HYDIN: variants seen among roughly 807,000 people sequenced by gnomAD.
HYDIN encodes the protein axonemal central pair apparatus protein HYDIN.
HYDIN carries 132 observed loss-of-function variants against 403.9 expected under a neutral mutation model. That is an observed-to-expected ratio of 0.33 (90% CI 0.28 to 0.38). The LOEUF is 0.38. Among genes scored for constraint, HYDIN ranks in the 10% least tolerant of loss-of-function variants. The probability of loss-of-function intolerance (pLI) is 1.00; values close to 1 mark genes in which losing one functional copy is unlikely to be tolerated. For synonymous variants in HYDIN, 1,202 were observed against 1,891.7 expected (o/e 0.64, Z 9.46); for missense variants, 2,827 against 5,009.5 (o/e 0.56, Z 13.15).
intron 22 of HYDIN, among the ~76,000 whole-genome samples, chr16:71,018,831 A>G (rs968410922): frequency 6.6e-6 from 1 of 152,214 alleles, no homozygotes; most frequent in African/African-American, 2.4e-5. Flanking sequence ...TCTTAACTAA[A>G]AATAAATTTC....
intron 19 of HYDIN, among the ~76,000 whole-genome samples, chr16:71,030,571 T>G (rs1018109892): frequency 7.9e-5 from 12 of 151,954 alleles, no homozygotes; most frequent in Non-Finnish European, 1.8e-4. Flanking sequence ...TAGCTGGGAC[T>G]ACACGCACCT....
At chr16:71,182,144 G>C (rs1384505872) in intron 3 of HYDIN, among the ~76,000 whole-genome samples, 1 of 152,158 alleles carries the variant, frequency 6.6e-6, no homozygotes, top group Non-Finnish European at 1.5e-5. Flanking sequence ...AAGAGACTGA[G>C]AGGGAGAAGA....
At chr16:70,937,155 TGC>T (rs111866903) in intron 44 of HYDIN, among the ~76,000 whole-genome samples, 12,918 of 151,002 alleles carry the variant, frequency 0.086, 1,794 homozygotes, top group African/African-American at 0.29. Flanking sequence ...TGTGTGTGTG[TGC>T]GCGTGTGTGG....
At chr16:71,051,513 G>A (rs2081637106) in intron 18 of HYDIN, among the ~76,000 whole-genome samples, 1 of 151,990 alleles carries the variant, frequency 6.6e-6, no homozygotes, top group South Asian at 2.1e-4. Context: ...GGACGTGGTG[G>A]CGGGCGCCTG....
intron 6 of HYDIN, among the ~76,000 whole-genome samples, chr16:71,153,193 A>G (rs1484989624): frequency 2.6e-5 from 4 of 152,184 alleles, no homozygotes; most frequent in Non-Finnish European, 5.9e-5. Flanking sequence ...TGTCATTTTC[A>G]AAAGAACAGT....
chr16:70,904,736 A>G (rs911493460), intron 50 of HYDIN, among the ~76,000 whole-genome samples: 2 of 151,364 alleles, frequency 1.3e-5, no homozygotes, highest in Admixed American at 6.6e-5. Context: ...TGGTGACCTC[A>G]GATGATCCGC....
intron 21 of HYDIN, 26 bp from the exon 22 acceptor site, chr16:71,020,343 A>C (rs1380759855): frequency 6.2e-7 from 1 of 1,606,734 alleles, no homozygotes; most frequent in Admixed American, 1.7e-5. Context: ...AAGAGGAAAC[A>C]AATCAACTTA....
intron 18 of HYDIN, among the ~76,000 whole-genome samples, chr16:71,054,122 A>G (rs2081775004): frequency 6.6e-6 from 1 of 152,272 alleles, no homozygotes; most frequent in South Asian, 2.1e-4. Context: ...CATGAATCAC[A>G]TTAACACAAG....
At chr16:71,105,035 A>G (rs1465758129) in intron 10 of HYDIN, among the ~76,000 whole-genome samples, 3 of 145,890 alleles carry the variant, frequency 2.1e-5, no homozygotes, top group Non-Finnish European at 4.5e-5. Context: ...AGTCTCATAT[A>G]GCATTCTTAA....
chr16:71,186,335 T>A (rs2087148914), intron 2 of HYDIN, among the ~76,000 whole-genome samples: 1 of 152,142 alleles, frequency 6.6e-6, no homozygotes, highest in Non-Finnish European at 1.5e-5. Context: ...TACCACTTAG[T>A]CATTATTTTA....
At chr16:70,884,759 T>C (rs2041026977) in intron 58 of HYDIN, among the ~76,000 whole-genome samples, 1 of 152,126 alleles carries the variant, frequency 6.6e-6, no homozygotes, top group African/African-American at 2.4e-5. Context: ...AATCCTTAGA[T>C]GTCCCGGCTC....
chr16:70,872,001 A>C (rs1006500440), intron 65 of HYDIN, 36 bp downstream of exon 65: 3 of 1,606,840 alleles, frequency 1.9e-6, no homozygotes, highest in Non-Finnish European at 2.5e-6. Context: ...CTTAGGACTA[A>C]GGGATTCCAA....
intron 59 of HYDIN, 126 bp from the exon 60 acceptor site, chr16:70,883,021 A>G: frequency 1.4e-6 from 1 of 729,676 alleles, no homozygotes; most frequent in Non-Finnish European, 2.4e-6. Flanking sequence ...GAAGTCATGC[A>G]AGGGGGTGTG....
chr16:71,204,234 T>C (rs2088174391), intron 1 of HYDIN, among the ~76,000 whole-genome samples: 1 of 152,218 alleles, frequency 6.6e-6, no homozygotes, highest in African/African-American at 2.4e-5. Flanking sequence ...GTTAACCAAA[T>C]TCTGACAAAA....
Position 71,103,018 on chromosome 16 carries a change from G to A in HYDIN, c.1328-9083C>T, listed in dbSNP as rs1302714866. ...TATATTAAATGCCTTGTGTTATACAGGAATCTTTGATGAGTTGTTATATAG... is the reference window on the plus strand; with the variant it reads ...TATATTAAATGCCTTGTGTTATACAAGAATCTTTGATGAGTTGTTATATAG... On this transcript the variant is annotated intron_variant, in intron 10 of 85. Coordinates refer to ENST00000393567, the MANE Select transcript of HYDIN (RefSeq NM_001270974.2). Among the ~76,000 whole-genome samples the A allele has an allele frequency of 2.0e-5, 3 of 149,450 alleles. 1 individual carries two copies. Among genetic ancestry groups the A allele is most frequent in the African/African-American group, 7.5e-5 (3 of 40,194 alleles).
intron 54 of HYDIN, 82 bp from the exon 55 acceptor site, chr16:70,894,630 A>G (rs1281747145): frequency 6.2e-6 from 5 of 804,902 alleles, no homozygotes; most frequent in Non-Finnish European, 9.3e-6. Flanking sequence ...TGAAATTCAC[A>G]TGGAAAACGC....
At chr16:71,065,479 G>A (rs369656823) in intron 15 of HYDIN, among the ~76,000 whole-genome samples, 292 of 152,146 alleles carry the variant, frequency 1.9e-3, no homozygotes, top group African/African-American at 6.6e-3. Context: ...CTATTATTAG[G>A]TGACTTGGAT....
intron 73 of HYDIN, 141 bp downstream of exon 73, chr16:70,854,987 T>C: frequency 5.0e-6 from 3 of 601,814 alleles, no homozygotes; most frequent in Non-Finnish European, 5.8e-6. Flanking sequence ...AGGGAGTAAG[T>C]AGGATGGAGA....
At position 70,833,963 on chromosome 16, in the gene HYDIN, G is replaced by C; in HGVS notation, c.13603C>G (p.Pro4535Ala). Residue 4535 changes from proline to alanine, a missense_variant, in exon 79 of 86, where the codon CCC (proline) becomes GCC (alanine). Physicochemically the swap from Pro to Ala is conservative, Grantham distance 27. Coordinates refer to ENST00000393567, the MANE Select transcript of HYDIN (RefSeq NM_001270974.2). ...LEISLDQEHI[P>A]FGPVVYQTQA... is the part of the protein sequence containing the mutation. ...GTCTGATACACCACGGGTCCAAAGG[G>C]AATATGTTCCTGGTCCAGTGAGATC... is the stretch of plus-strand genomic sequence containing the variant. The C allele has an allele frequency of 6.2e-7, 1 of 1,613,220 alleles. No homozygotes were observed. The highest frequency in any genetic ancestry group is 8.5e-7 in the Non-Finnish European group (1 of 1,179,664).
Sources: allele counts gnomAD v4.1 joint callset (sites outside exome capture counted in the v4.1 genomes callset), GRCh38; gene constraint gnomAD v4.1.1; transcripts MANE v1.5; gene names NCBI Gene and HGNC (gene_info 2026-07-23, HGNC 2026-07-21).